DNMT3A: variants seen among roughly 807,000 people sequenced by gnomAD.
DNMT3A encodes the protein DNA (cytosine-5)-methyltransferase 3A.
Under a neutral mutation model 117.6 loss-of-function variants are expected in DNMT3A, and 267 were observed. The observed-to-expected ratio is 2.27, with a 90% CI of 2.05 to 2.51. DNMT3A has a LOEUF of 2.51. DNMT3A is among the 30% of genes most tolerant of loss of function. The pLI, the probability that DNMT3A is intolerant of heterozygous loss-of-function variation, is 0.00. For synonymous variants in DNMT3A, 432 were observed against 474.8 expected, an observed-to-expected ratio of 0.91 and a Z score of 1.17; for missense variants, 1,029 against 1,260.2, an observed-to-expected ratio of 0.82 and a Z score of 2.78.
chr2:25,335,435 G>A (rs13391624), intron 1 of DNMT3A, among the ~76,000 whole-genome samples: 4,745 of 152,182 alleles, frequency 0.031, 276 homozygotes, highest in African/African-American at 0.11. Context: ...ACACTCCGAA[G>A]GCCTCCTGCC....
Position 25,305,173 on chromosome 2 carries a change from C to T in DNMT3A, c.73-4930G>A, listed in dbSNP as rs557806925. On this transcript the variant is annotated intron_variant, in intron 2 of 22. Coordinates refer to ENST00000321117, the MANE Select transcript of DNMT3A (RefSeq NM_022552.5). The surrounding 1 kb of genome is among the most constrained non-coding windows in gnomAD (Gnocchi z 4.1). Reference sequence around the variant, plus strand: ...TACAACTGTGTACGAGGTTCCAGTGCCTCTCGGATCTTTACGATTCCAGAT... The same window carrying T: ...TACAACTGTGTACGAGGTTCCAGTGTCTCTCGGATCTTTACGATTCCAGAT... 6.6e-6 allele frequency among the ~76,000 whole-genome samples: 1 copy of T among 152,344 alleles called. No individual in the cohort carries two copies. Among genetic ancestry groups the T allele is most frequent in the African/African-American group, 2.4e-5 (1 of 41,568 alleles).
rs531767636 is a variant in DNMT3A at position 25,314,166 on chromosome 2, G to C, written c.-177-5C>G. On this transcript the variant is annotated splice_polypyrimidine_tract_variant and splice_region_variant and intron_variant, in intron 1 of 22. Coordinates refer to ENST00000321117, the MANE Select transcript of DNMT3A (RefSeq NM_022552.5). ...TGGGGGCTTCGATGGCTCCACCTGT[G>C]GGGGAGAGAAGAGGATCAGTGGGGC... is the stretch of plus-strand genomic sequence containing the variant. 22 of 1,423,456 alleles carry C rather than the reference G, an allele frequency of 1.5e-5. No homozygotes were observed. Among genetic ancestry groups the C allele is most frequent in the South Asian group, 4.5e-5 (3 of 66,468 alleles). 88.2% of individuals were successfully genotyped at this position (1,423,456 alleles called of 1,614,324 possible).
Position 25,293,333 on chromosome 2 carries a change from C to G in DNMT3A, c.177+6806G>C, listed in dbSNP as rs964321859. On this transcript the variant is annotated intron_variant, in intron 3 of 22. Transcript: ENST00000321117. This position sits in a 1 kb window ranked among gnomAD's most constrained non-coding sequence, Gnocchi z 4.7. The stretch of plus-strand genomic sequence containing the variant: ...TGTGCTCATGCTCAGGGATGAACGC[C>G]ATGCTCATGGGTGCCAGAGCCAATT... Among the ~76,000 whole-genome samples, 1 of 152,222 alleles carries G rather than the reference C, an allele frequency of 6.6e-6. No individual in the cohort carries two copies. The highest frequency in any genetic ancestry group is 2.1e-4 in the South Asian group (1 of 4,836).
rs762532386 is a variant in DNMT3A, at chr2:25,300,142, G to A, written c.174C>T (p.Pro58=). Residue 58 remains proline (P), a synonymous_variant, in exon 3 of 23, where the codon CCC becomes CCT. Coordinates refer to ENST00000321117, the MANE Select transcript of DNMT3A (RefSeq NM_022552.5). ...GTGTGTAGGATGTGACACTCACCGGGGGGTGCTTGCGCTTCCTCCCAGGCC... is the reference window on the plus strand; with the variant it reads ...GTGTGTAGGATGTGACACTCACCGGAGGGTGCTTGCGCTTCCTCCCAGGCC... ...VGRPGRKRKH[P]PVESGDTPKD... is the part of the protein sequence containing the mutation. 6.2e-7 allele frequency: 1 copy of A among 1,613,370 alleles called. No homozygotes were observed. The highest frequency in any genetic ancestry group is 1.1e-5 in the South Asian group (1 of 91,044).
At position 25,234,374 on chromosome 2, in the gene DNMT3A, G is replaced by A. The variant is rs377577594; in HGVS notation, c.2644C>T (p.Arg882Cys). 242 of 1,613,128 alleles carry A rather than the reference G, an allele frequency of 1.5e-4. No individual in the cohort carries two copies. Among genetic ancestry groups the A allele is most frequent in the Middle Eastern group, 3.3e-4 (2 of 6,076 alleles). Residue 882 changes from arginine (R) to cysteine (C), a missense_variant, in exon 23 of 23, where the codon CGC becomes TGC. Transcript: ENST00000321117. This position sits in a 1 kb window ranked among gnomAD's most constrained non-coding sequence, Gnocchi z 4.5. ...VHYTDVSNMS[R>C]LARQRLLGRS... ...CCCAGCAGTCTCTGCCTCGCCAAGCGGCTCATGTTGGAGACGTCAGTATAG... is the reference window on the plus strand; with the variant it reads ...CCCAGCAGTCTCTGCCTCGCCAAGCAGCTCATGTTGGAGACGTCAGTATAG...
Position 25,247,202 on chromosome 2 carries a change from C to G in DNMT3A, c.1015-44G>C. 6.3e-7 allele frequency: 1 copy of G among 1,589,318 alleles called. No individual in the cohort carries two copies. Among genetic ancestry groups the G allele is most frequent in the African/African-American group, 1.3e-5 (1 of 74,266 alleles). On this transcript the variant is annotated intron_variant, in intron 8 of 22. Coordinates refer to ENST00000321117, the MANE Select transcript of DNMT3A (RefSeq NM_022552.5). The surrounding 1 kb of genome is among the most constrained non-coding windows in gnomAD (Gnocchi z 5.6). Reference sequence around the variant, plus strand: ...CCTTGTTTGCCGAGGCTTACACTTGCAAGCACCCACCCCATGCCTTGCAAC... The same window carrying G: ...CCTTGTTTGCCGAGGCTTACACTTGGAAGCACCCACCCCATGCCTTGCAAC...
At chr2:25,336,650 A>C (rs1573515996) in intron 1 of DNMT3A, among the ~76,000 whole-genome samples, 1 of 148,558 alleles carries the variant, frequency 6.7e-6, no homozygotes, top group Non-Finnish European at 1.5e-5. Flanking sequence ...CTCCACCCCT[A>C]CCCCCACTGG....
chr2:25,321,417 C>T (rs2034592477), intron 1 of DNMT3A, among the ~76,000 whole-genome samples: 1 of 152,232 alleles, frequency 6.6e-6, no homozygotes, highest in Non-Finnish European at 1.5e-5. Flanking sequence ...TTCCATCTTT[C>T]ACTTCTAATG....
At chr2:25,303,661 A>G (rs923723437) in intron 2 of DNMT3A, among the ~76,000 whole-genome samples, 15 of 152,222 alleles carry the variant, frequency 9.9e-5, no homozygotes, top group Admixed American at 6.5e-5. Context: ...CCAGGTCTGA[A>G]CAACTCCTGG....
Position 25,257,608 on chromosome 2 carries a change from CCAGT to C in DNMT3A, c.640-9360_640-9357del, listed in dbSNP as rs539407537. On this transcript the variant is annotated intron_variant, in intron 6 of 22. Coordinates refer to ENST00000321117, the MANE Select transcript of DNMT3A (RefSeq NM_022552.5). This position sits in a 1 kb window ranked among gnomAD's most constrained non-coding sequence, Gnocchi z 4.8. The stretch of plus-strand genomic sequence containing the variant: ...AGAAGCTCCTGGAAGCCCGGAGAGG[CCAGT>C]CAATCCTTAGCACAGGCAGAACTTC... 2.6e-3 allele frequency among the ~76,000 whole-genome samples: 393 copies of C among 152,274 alleles called. 2 individuals are homozygous for C. Among genetic ancestry groups the C allele is most frequent in the Non-Finnish European group, 4.0e-3 (273 of 68,010 alleles).
intron 1 of DNMT3A, among the ~76,000 whole-genome samples, chr2:25,341,463 C>A (rs1324408822): frequency 6.9e-6 from 1 of 145,936 alleles, no homozygotes; most frequent in Non-Finnish European, 1.5e-5. Context: ...GCGAGCCGGG[C>A]ACCGCGGCGC....
intron 1 of DNMT3A, among the ~76,000 whole-genome samples, chr2:25,336,803 C>T (rs944367201): frequency 5.9e-5 from 9 of 152,148 alleles, no homozygotes; most frequent in African/African-American, 2.2e-4. Context: ...CCGGGCACTA[C>T]AGCCACCCAC....
At position 25,248,132 on chromosome 2, in the gene DNMT3A, C is replaced by T. The variant is rs201097136; in HGVS notation, c.760G>A (p.Ala254Thr). 3 of 1,613,508 alleles carry T rather than the reference C, an allele frequency of 1.9e-6. No homozygotes were observed. Among genetic ancestry groups the T allele is most frequent in the South Asian group, 1.1e-5 (1 of 91,042 alleles). The change falls in exon 7 of 23, where the codon GCA becomes ACA. Residue 254 changes from alanine (A) to threonine (T), a missense_variant. Physicochemically the swap from Ala to Thr is moderately conservative, Grantham distance 58. Transcript: ENST00000321117. ...GGCGTGGTAGCCACAGTGGGGGATG[C>T]GGGGTCAGTGGGCTGCTGCACAGCA... ...PPAVQQPTDP[A>T]SPTVATTPEP...
In DNMT3A at chr2:25,231,981, A is replaced by G. The variant is rs571738004; in HGVS notation, c.*2298T>C. 1 of 152,378 alleles carries G rather than the reference A, an allele frequency of 6.6e-6. No homozygotes were observed. The highest frequency in any genetic ancestry group is 2.4e-5 in the African/African-American group (1 of 41,516). 9.4% of individuals were successfully genotyped at this position (152,378 alleles called of 1,614,324 possible). A position where few individuals can be genotyped will look rare whatever the true frequency, so the allele number is the denominator to read the frequency against. On this transcript the variant is annotated 3_prime_UTR_variant, in exon 23 of 23. Transcript: ENST00000321117. ...TGTGTGAGTGCATTCATTATGCATC[A>G]GTACAGAAATATGCTCCTGTGTATG...
chr2:25,288,173 G>A (rs948457168), intron 3 of DNMT3A, among the ~76,000 whole-genome samples: 12 of 145,864 alleles, frequency 8.2e-5, no homozygotes, highest in Non-Finnish European at 1.4e-4. Flanking sequence ...GGTGGCTTAC[G>A]CCTGTAATCC....
intron 1 of DNMT3A, among the ~76,000 whole-genome samples, chr2:25,335,405 C>T (rs6728919): frequency 0.37 from 55,540 of 152,112 alleles, 10,532 homozygotes; most frequent in Non-Finnish European, 0.41. Context: ...CGGGGTCCTC[C>T]AGGGAGTGGC....
chr2:25,246,561 C>A (rs2149301981), intron 10 of DNMT3A, 59 bp downstream of exon 10: 2 of 1,573,400 alleles, frequency 1.3e-6, no homozygotes, highest in South Asian at 1.2e-5. Context: ...GCTTTCCCAG[C>A]CCTGGTGTGG....
intron 4 of DNMT3A, among the ~76,000 whole-genome samples, chr2:25,278,001 T>TCACACTCACA (rs1553422493): frequency 1.1e-5 from 1 of 90,500 alleles, no homozygotes; most frequent in African/African-American, 3.7e-5. Flanking sequence ...ACTTGAGTGA[T>TCACACTCACA]CACACACACA....
chr2:25,267,367 A>G (rs906970364), intron 6 of DNMT3A, among the ~76,000 whole-genome samples: 1 of 152,156 alleles, frequency 6.6e-6, no homozygotes, highest in Non-Finnish European at 1.5e-5. Flanking sequence ...TGAGCCCAGG[A>G]GTTCAAAGCC....
Sources: gnomAD v4.1 joint callset for allele counts (sites outside exome capture counted in the v4.1 genomes callset) on GRCh38, gnomAD v4.1.1 for gene constraint, Gnocchi (gnomAD v3.1) non-coding constraint, MANE v1.5 for transcripts, NCBI Gene and HGNC (gene_info 2026-07-23, HGNC 2026-07-21) for gene names.